The following NEGR1 variants were observed in gnomAD, a reference collection of about 807,000 sequenced individuals.
NEGR1 encodes the protein IgLON family member 4.
NEGR1 carries 10 observed loss-of-function variants against 40.9 expected under a neutral mutation model. That is an observed-to-expected ratio of 0.24 (90% CI 0.15 to 0.42). The LOEUF is 0.42. NEGR1 is among the 10% of genes least tolerant of loss of function. The pLI is 1.00. For synonymous variants in NEGR1, 185 were observed against 166.8 expected, an observed-to-expected ratio of 1.11 and a Z score of -0.84; for missense variants, 352 against 438.9, an observed-to-expected ratio of 0.80 and a Z score of 1.77.
intron 1 of NEGR1, among the ~76,000 whole-genome samples, chr1:72,088,887 T>C (rs573916235): frequency 6.3e-4 from 90 of 143,804 alleles, no homozygotes; most frequent in Middle Eastern, 3.6e-3. Flanking sequence ...CTCAGCTCAC[T>C]GCAACCTCCG....
intron 2 of NEGR1, among the ~76,000 whole-genome samples, chr1:71,793,013 G>T (rs1657171540): frequency 2.0e-5 from 3 of 151,246 alleles, no homozygotes; most frequent in Non-Finnish European, 4.4e-5. Context: ...GAGGAGAAGT[G>T]ATGTGTGCTC....
At chr1:72,101,877 TTC>T (rs1041128187) in intron 1 of NEGR1, among the ~76,000 whole-genome samples, 3 of 152,286 alleles carry the variant, frequency 2.0e-5, no homozygotes, top group South Asian at 4.1e-4. Context: ...CAGGTTTTCA[TTC>T]TGTTTTTATA....
chr1:71,705,070 A>ATT (rs35803173), intron 3 of NEGR1, among the ~76,000 whole-genome samples: 2,111 of 151,904 alleles, frequency 0.014, 23 homozygotes, highest in Middle Eastern at 0.045. Context: ...CAATATTTTA[A>ATT]TTTTTTTCAT....
intron 6 of NEGR1, among the ~76,000 whole-genome samples, chr1:71,418,955 A>T (rs780453287): frequency 1.9e-4 from 29 of 152,068 alleles, no homozygotes; most frequent in Non-Finnish European, 3.4e-4. Context: ...CACTTTTTGT[A>T]TTTTGCCTTA....
intron 1 of NEGR1, among the ~76,000 whole-genome samples, chr1:72,025,969 G>A (rs915541927): frequency 1.0e-3 from 154 of 150,892 alleles, no homozygotes; most frequent in African/African-American, 3.5e-3. Context: ...AAATTAGCCG[G>A]GCGTAGTGGC....
At chr1:71,450,192 T>C (rs886545738) in intron 6 of NEGR1, among the ~76,000 whole-genome samples, 1 of 151,836 alleles carries the variant, frequency 6.6e-6, no homozygotes. Flanking sequence ...GGTTTCACCA[T>C]GTTGGTTAGG....
At chr1:71,866,630 C>T (rs921134586) in intron 2 of NEGR1, among the ~76,000 whole-genome samples, 1 of 152,128 alleles carries the variant, frequency 6.6e-6, no homozygotes, top group Non-Finnish European at 1.5e-5. Context: ...AAATATGCCA[C>T]TGTGTAGTAA....
At chr1:71,763,692 G>A (rs1656023359) in intron 3 of NEGR1, among the ~76,000 whole-genome samples, 1 of 152,092 alleles carries the variant, frequency 6.6e-6, no homozygotes, top group African/African-American at 2.4e-5. Context: ...TATGTTAATA[G>A]GGTGTAGCCA....
chr1:71,655,049 A>G (rs755252404), intron 4 of NEGR1, among the ~76,000 whole-genome samples: 1 of 152,180 alleles, frequency 6.6e-6, no homozygotes, highest in African/African-American at 2.4e-5. Flanking sequence ...GCCACGTCCA[A>G]TTGAAACTCC....
At chr1:71,579,817 C>T (rs1254438101) in intron 6 of NEGR1, among the ~76,000 whole-genome samples, 1 of 152,096 alleles carries the variant, frequency 6.6e-6, no homozygotes, top group African/African-American at 2.4e-5. Context: ...ATGTTTTTCT[C>T]TCTGGCTTCA....
At chr1:71,683,253 G>T (rs1248740844) in intron 4 of NEGR1, among the ~76,000 whole-genome samples, 3 of 152,092 alleles carry the variant, frequency 2.0e-5, no homozygotes, top group East Asian at 3.9e-4. Flanking sequence ...GGGGGTCTTT[G>T]TTTAATGTGA....
chr1:71,583,331 A>G (rs532372799), intron 6 of NEGR1, among the ~76,000 whole-genome samples: 2 of 152,318 alleles, frequency 1.3e-5, no homozygotes, highest in African/African-American at 4.8e-5. Flanking sequence ...TTATTTTAGC[A>G]TGTGAGGCTC....
At chr1:71,796,808 G>C (rs976101248) in intron 2 of NEGR1, among the ~76,000 whole-genome samples, 1 of 152,124 alleles carries the variant, frequency 6.6e-6, no homozygotes, top group African/African-American at 2.4e-5. Context: ...AAATTGCTTA[G>C]TACCAAATAA....
chr1:71,909,080 T>C (rs1451797983), intron 2 of NEGR1, among the ~76,000 whole-genome samples: 1 of 152,186 alleles, frequency 6.6e-6, no homozygotes, highest in Non-Finnish European at 1.5e-5. Context: ...GCTGAGATAC[T>C]TGAAGAACTC....
chr1:71,597,468 C>CTGTGTGTG (rs1331833538), intron 5 of NEGR1, among the ~76,000 whole-genome samples: 1,048 of 22,106 alleles, frequency 0.047, 12 homozygotes, highest in Non-Finnish European at 0.17. Context: ...CTCTCTCTCT[C>CTGTGTGTG]TCTCTGTGTG....
chr1:71,582,254 T>C (rs890611400), intron 6 of NEGR1, among the ~76,000 whole-genome samples: 3 of 152,134 alleles, frequency 2.0e-5, no homozygotes, highest in Admixed American at 6.5e-5. Context: ...GGAAAAACTA[T>C]AGAAAATATA....
chr1:71,804,519 G>A (rs1467363093), intron 2 of NEGR1, among the ~76,000 whole-genome samples: 1 of 152,214 alleles, frequency 6.6e-6, no homozygotes, highest in African/African-American at 2.4e-5. Context: ...AACATAAATT[G>A]TGAAGATTTC....
At chr1:72,190,451 A>G (rs930544953) in intron 1 of NEGR1, among the ~76,000 whole-genome samples, 1 of 151,668 alleles carries the variant, frequency 6.6e-6, no homozygotes, top group Admixed American at 6.6e-5. Context: ...GATGAATTAC[A>G]TAGAACTGAG....
chr1:72,008,744 C>A (rs551798249), intron 1 of NEGR1, among the ~76,000 whole-genome samples: 2 of 151,996 alleles, frequency 1.3e-5, no homozygotes, highest in African/African-American at 2.4e-5. Flanking sequence ...CTTGTCCTAA[C>A]AGGTGACTGA....
Sources: allele counts gnomAD v4.1 joint callset (sites outside exome capture counted in the v4.1 genomes callset), GRCh38; gene constraint gnomAD v4.1.1; transcripts MANE v1.5; gene names NCBI Gene and HGNC (gene_info 2026-07-23, HGNC 2026-07-21).